The following STXBP6 variants were observed in gnomAD, a reference collection of about 807,000 sequenced individuals.
STXBP6 encodes the protein syntaxin binding protein 6.
STXBP6 carries 21 observed loss-of-function variants against 26.9 expected under a neutral mutation model. That is an observed-to-expected ratio of 0.78 (90% CI 0.55 to 1.12). The LOEUF is 1.12. STXBP6 is among the 50% of genes most tolerant of loss of function. The probability of loss-of-function intolerance (pLI) is 0.00; values close to 1 mark genes in which losing one functional copy is unlikely to be tolerated. For missense variants in STXBP6, 232 were observed against 257.9 expected (o/e 0.90, Z 0.69); for synonymous variants, 97 against 92.6 (o/e 1.05, Z -0.27).
At chr14:24,947,391 G>A (rs2073027817) in intron 2 of STXBP6, among the ~76,000 whole-genome samples, 1 of 152,184 alleles carries the variant, frequency 6.6e-6, no homozygotes, top group South Asian at 2.1e-4. Flanking sequence ...AAGAGACGGC[G>A]ATGGAGAAGT....
intron 2 of STXBP6, among the ~76,000 whole-genome samples, chr14:24,861,167 G>A (rs1796739270): frequency 6.6e-6 from 1 of 152,244 alleles, no homozygotes; most frequent in East Asian, 1.9e-4. Flanking sequence ...CTTTCATCAT[G>A]TGCAGCCCTA....
At position 24,811,876 on chromosome 14, in the gene STXBP6, A is replaced by G. The variant is rs1437595838; in HGVS notation, c.*833T>C. On this transcript the variant is annotated 3_prime_UTR_variant, in exon 6 of 6. Transcript: ENST00000323944. The stretch of plus-strand genomic sequence containing the variant: ...GACAAATCAATTTTTTGATAAAAAT[A>G]TAAGCACTTTTCCATACCAGCGACC... 2 of 152,186 alleles carry G rather than the reference A, an allele frequency of 1.3e-5. No individual in the cohort carries two copies. The highest frequency in any genetic ancestry group is 2.1e-4 in the South Asian group (1 of 4,834). The allele number at this position is 152,186 out of a possible 1,614,324, so 9.4% of individuals were successfully genotyped here. A position where few individuals can be genotyped will look rare whatever the true frequency, so the allele number is the denominator to read the frequency against.
chr14:24,916,005 A>C (rs933496334), intron 2 of STXBP6, among the ~76,000 whole-genome samples: 5 of 152,122 alleles, frequency 3.3e-5, no homozygotes, highest in African/African-American at 2.4e-5. Flanking sequence ...TAGTTAATGC[A>C]GTTATAACTC....
At chr14:24,814,967 A>G (rs956590778) in intron 5 of STXBP6, among the ~76,000 whole-genome samples, 9 of 148,840 alleles carry the variant, frequency 6.0e-5, no homozygotes, top group East Asian at 3.8e-4. Context: ...TCTGTTGTAT[A>G]TAAGTCACCC....
At chr14:25,032,808 G>C (rs532332410) in intron 1 of STXBP6, among the ~76,000 whole-genome samples, 1 of 152,344 alleles carries the variant, frequency 6.6e-6, no homozygotes, top group South Asian at 2.1e-4. Context: ...AGGATCAGAA[G>C]GGTTGAGTCT....
chr14:24,990,541 C>T (rs2074439551), intron 1 of STXBP6, among the ~76,000 whole-genome samples: 1 of 151,350 alleles, frequency 6.6e-6, no homozygotes, highest in African/African-American at 2.4e-5. Flanking sequence ...GCCTGTAATC[C>T]CAGCTACTCA....
At chr14:25,017,553 T>C (rs978994828) in intron 1 of STXBP6, among the ~76,000 whole-genome samples, 1 of 152,104 alleles carries the variant, frequency 6.6e-6, no homozygotes, top group Admixed American at 6.5e-5. Context: ...AGCTTGACAG[T>C]ATAAGGTAAG....
At chr14:24,935,416 C>T (rs1443658989) in intron 2 of STXBP6, among the ~76,000 whole-genome samples, 2 of 152,036 alleles carry the variant, frequency 1.3e-5, no homozygotes, top group Admixed American at 1.3e-4. Context: ...ACATCCGTCC[C>T]CTGACCAAAT....
intron 4 of STXBP6, among the ~76,000 whole-genome samples, chr14:24,825,088 G>C (rs952459267): frequency 6.6e-6 from 1 of 152,194 alleles, no homozygotes; most frequent in Non-Finnish European, 1.5e-5. Flanking sequence ...TCTTTAATGC[G>C]TTAATGTAAA....
intron 2 of STXBP6, among the ~76,000 whole-genome samples, chr14:24,859,431 GT>G (rs1483333291): frequency 6.6e-6 from 1 of 152,096 alleles, no homozygotes; most frequent in Non-Finnish European, 1.5e-5. Flanking sequence ...ATCGTATAGA[GT>G]TAAATTAAGA....
chr14:24,823,965 G>A (rs1248953341), intron 4 of STXBP6, among the ~76,000 whole-genome samples: 2 of 152,108 alleles, frequency 1.3e-5, no homozygotes, highest in South Asian at 2.1e-4. Context: ...GATGAAGTAG[G>A]CTCTATTCTA....
intron 2 of STXBP6, among the ~76,000 whole-genome samples, chr14:24,909,246 C>T (rs982310189): frequency 7.2e-5 from 11 of 152,330 alleles, no homozygotes; most frequent in East Asian, 1.9e-4. Flanking sequence ...TTTAGGTTTG[C>T]GAGTCAGAAC....
intron 4 of STXBP6, among the ~76,000 whole-genome samples, chr14:24,836,087 G>A (rs1294437426): frequency 6.6e-6 from 1 of 152,214 alleles, no homozygotes; most frequent in African/African-American, 2.4e-5. Flanking sequence ...GGCAACACTA[G>A]TTAATGAGCA....
chr14:24,888,899 G>T (rs559614467), intron 2 of STXBP6, among the ~76,000 whole-genome samples: 46 of 152,026 alleles, frequency 3.0e-4, no homozygotes, highest in Non-Finnish European at 5.9e-4. Flanking sequence ...TCTTCAAAGA[G>T]AACATTTGCA....
At chr14:24,997,868 T>A (rs1042495549) in intron 1 of STXBP6, among the ~76,000 whole-genome samples, 4 of 152,116 alleles carry the variant, frequency 2.6e-5, no homozygotes, top group Non-Finnish European at 5.9e-5. Flanking sequence ...ATTATATAGC[T>A]TGTGTGTATA....
At chr14:25,037,905 T>C (rs776110043) in intron 1 of STXBP6, among the ~76,000 whole-genome samples, 8 of 152,220 alleles carry the variant, frequency 5.3e-5, no homozygotes, top group Non-Finnish European at 1.0e-4. Flanking sequence ...GCAAGTTTCC[T>C]TGCTAAAGGG....
At chr14:24,934,750 T>C (rs867733527) in intron 2 of STXBP6, among the ~76,000 whole-genome samples, 1 of 152,004 alleles carries the variant, frequency 6.6e-6, no homozygotes, top group Non-Finnish European at 1.5e-5. Flanking sequence ...CCAAGGGGCA[T>C]AGGAGGAAAA....
intron 2 of STXBP6, among the ~76,000 whole-genome samples, chr14:24,891,592 C>T (rs1045482843): frequency 6.6e-6 from 1 of 152,204 alleles, no homozygotes; most frequent in African/African-American, 2.4e-5. Flanking sequence ...TATAATCTAT[C>T]TCATTTCACT....
chr14:24,883,974 A>G (rs961577396), intron 2 of STXBP6, among the ~76,000 whole-genome samples: 1 of 152,248 alleles, frequency 6.6e-6, no homozygotes, highest in African/African-American at 2.4e-5. Context: ...AACTAAAAAC[A>G]TTAACTCTCC....
Sources: gnomAD v4.1 joint callset for allele counts (sites outside exome capture counted in the v4.1 genomes callset) on GRCh38, gnomAD v4.1.1 for gene constraint, MANE v1.5 for transcripts, NCBI Gene and HGNC (gene_info 2026-07-23, HGNC 2026-07-21) for gene names.